Variants in ADARB2 observed in about 807,000 individuals in gnomAD.
The protein encoded by ADARB2 is adenosine deaminase RNA specific B2 (inactive).
In ADARB2, 25 loss-of-function variants were observed where a neutral mutation model predicts 62.2. That is an observed-to-expected ratio of 0.40 (90% CI 0.29 to 0.56). The LOEUF is 0.56. ADARB2 is among the 20% of genes least tolerant of loss of function. The pLI, the probability that ADARB2 is intolerant of heterozygous loss-of-function variation, is 0.43. For missense variants in ADARB2, 1,071 were observed against 1,077.4 expected (o/e 0.99, Z 0.08); for synonymous variants, 572 against 500.8 (o/e 1.14, Z -1.90).
chr10:1,469,787 A>T (rs1831298292), intron 1 of ADARB2, among the ~76,000 whole-genome samples: 1 of 152,262 alleles, frequency 6.6e-6, no homozygotes, highest in Non-Finnish European at 1.5e-5. Context: ...CCACAAAAGG[A>T]TGACAACTGC....
At chr10:1,473,417 C>T (rs1385233770) in intron 1 of ADARB2, among the ~76,000 whole-genome samples, 1 of 151,950 alleles carries the variant, frequency 6.6e-6, no homozygotes, top group Non-Finnish European at 1.5e-5. Context: ...GGGCCTCACT[C>T]TGTTGCTCGG....
intron 1 of ADARB2, among the ~76,000 whole-genome samples, chr10:1,612,251 C>T (rs7907414): frequency 0.01 from 1,539 of 152,306 alleles, 32 homozygotes; most frequent in African/African-American, 0.036. Flanking sequence ...GCACCAAGCA[C>T]GAATCTGCCC....
intron 1 of ADARB2, among the ~76,000 whole-genome samples, chr10:1,726,578 G>C (rs1055023297): frequency 1.3e-5 from 2 of 152,186 alleles, no homozygotes; most frequent in African/African-American, 4.8e-5. Context: ...GCAAAGAGAT[G>C]CCGTCCTTGG....
At chr10:1,520,714 C>T (rs1249380093) in intron 1 of ADARB2, among the ~76,000 whole-genome samples, 1 of 152,154 alleles carries the variant, frequency 6.6e-6, no homozygotes, top group Non-Finnish European at 1.5e-5. Flanking sequence ...ATTCTGTGTG[C>T]ATTTTTGGCT....
intron 1 of ADARB2, among the ~76,000 whole-genome samples, chr10:1,714,496 T>C (rs981210895): frequency 2.0e-5 from 3 of 152,254 alleles, no homozygotes; most frequent in African/African-American, 7.2e-5. Flanking sequence ...TTAATGCCTT[T>C]TTGAATCTGT....
intron 1 of ADARB2, among the ~76,000 whole-genome samples, chr10:1,449,023 G>A (rs1052227108): frequency 6.6e-6 from 1 of 152,144 alleles, no homozygotes; most frequent in African/African-American, 2.4e-5. Flanking sequence ...GGGGAGAAAA[G>A]GGTTCTGGGT....
intron 1 of ADARB2, among the ~76,000 whole-genome samples, chr10:1,404,218 C>T (rs1832687491): frequency 1.4e-5 from 2 of 139,164 alleles, no homozygotes; most frequent in African/African-American, 2.7e-5. Flanking sequence ...GCAGGAGAAG[C>T]TGCTGCCAGG....
intron 2 of ADARB2, 36 bp from the exon 3 acceptor site, chr10:1,363,953 G>T: frequency 7.0e-7 from 1 of 1,419,282 alleles, no homozygotes; most frequent in South Asian, 1.5e-5. Flanking sequence ...GAGCCTGGGC[G>T]GGCGCCGGCA....
intron 1 of ADARB2, among the ~76,000 whole-genome samples, chr10:1,459,376 G>T (rs908622816): frequency 2.0e-5 from 3 of 152,230 alleles, no homozygotes; most frequent in African/African-American, 7.2e-5. Flanking sequence ...CCTTTGCTGG[G>T]ACATGGATGG....
chr10:1,461,366 G>C (rs2131909137), intron 1 of ADARB2, among the ~76,000 whole-genome samples: 1 of 152,292 alleles, frequency 6.6e-6, no homozygotes, highest in African/African-American at 2.4e-5. Flanking sequence ...AGAAAATATG[G>C]TCACTGTAAT....
chr10:1,305,840 CA>C (rs1831622047), intron 3 of ADARB2, among the ~76,000 whole-genome samples: 2 of 152,070 alleles, frequency 1.3e-5, no homozygotes, highest in South Asian at 4.2e-4. Context: ...AGGCCTTTGA[CA>C]AAATTCAACA....
intron 3 of ADARB2, among the ~76,000 whole-genome samples, chr10:1,354,429 C>T (rs999749617): frequency 2.0e-5 from 3 of 152,080 alleles, no homozygotes; most frequent in African/African-American, 7.2e-5. Context: ...CTTTACCTAC[C>T]CAAATCCTAT....
chr10:1,382,924 A>C (rs1400743480), intron 1 of ADARB2, among the ~76,000 whole-genome samples: 1 of 152,190 alleles, frequency 6.6e-6, no homozygotes, highest in East Asian at 1.9e-4. Flanking sequence ...TCGGGCTCCC[A>C]TCATCGAATA....
intron 1 of ADARB2, among the ~76,000 whole-genome samples, chr10:1,716,953 C>T (rs1250202498): frequency 6.6e-6 from 1 of 152,144 alleles, no homozygotes; most frequent in African/African-American, 2.4e-5. Context: ...GGGCTAAAGG[C>T]ACTCCTAAAA....
At chr10:1,727,676 C>T (rs1835183665) in intron 1 of ADARB2, among the ~76,000 whole-genome samples, 1 of 152,116 alleles carries the variant, frequency 6.6e-6, no homozygotes, top group South Asian at 2.1e-4. Context: ...GTAAGCCCAT[C>T]TGATGATAAT....
chr10:1,186,516 C>T (rs770189008), intron 8 of ADARB2: 1 of 519,098 alleles, frequency 1.9e-6, no homozygotes, highest in Non-Finnish European at 3.8e-6. Flanking sequence ...ACGCGTTCCC[C>T]AAGCCCAGCT....
chr10:1,734,991 T>G (rs1835283112), intron 1 of ADARB2, among the ~76,000 whole-genome samples: 2 of 152,384 alleles, frequency 1.3e-5, no homozygotes, highest in Admixed American at 1.3e-4. Flanking sequence ...GTCTCTTAGC[T>G]GGTTACTTTA....
intron 1 of ADARB2, among the ~76,000 whole-genome samples, chr10:1,521,990 A>G (rs1832079823): frequency 6.6e-6 from 1 of 152,170 alleles, no homozygotes; most frequent in Non-Finnish European, 1.5e-5. Flanking sequence ...CTCGGAATAA[A>G]TCTCTTCAAA....
At chr10:1,252,730 A>T (rs1167803515) in intron 4 of ADARB2, among the ~76,000 whole-genome samples, 3 of 151,698 alleles carry the variant, frequency 2.0e-5, no homozygotes, top group Non-Finnish European at 4.4e-5. Flanking sequence ...GTTCGAAATC[A>T]GGTAGATTTT....
Sources: gnomAD v4.1 joint callset for allele counts (sites outside exome capture counted in the v4.1 genomes callset) on GRCh38, gnomAD v4.1.1 for gene constraint, MANE v1.5 for transcripts, NCBI Gene and HGNC (gene_info 2026-07-23, HGNC 2026-07-21) for gene names.